Variants in FGF14 observed in about 807,000 individuals in gnomAD.
FGF14 encodes the protein fibroblast growth factor homologous factor 4.
FGF14 carries 5 observed loss-of-function variants against 25.5 expected under a neutral mutation model. That is an observed-to-expected ratio of 0.20 (90% confidence interval 0.10 to 0.41). The LOEUF is 0.41. Ranked by LOEUF, FGF14 falls within the 10% of genes least tolerant of loss-of-function variation. The pLI is 1.00. For missense variants in FGF14, 222 were observed against 320.1 expected (o/e 0.69, Z 2.34); for synonymous variants, 138 against 118.3 (o/e 1.17, Z -1.08).
intron 1 of FGF14, among the ~76,000 whole-genome samples, chr13:102,123,250 A>G (rs940725773): frequency 2.0e-5 from 3 of 152,156 alleles, no homozygotes; most frequent in Non-Finnish European, 4.4e-5. Context: ...TGCAGCCAAC[A>G]ATGTTTCCTA....
At chr13:102,082,531 T>C (rs2043674402) in intron 1 of FGF14, among the ~76,000 whole-genome samples, 1 of 152,162 alleles carries the variant, frequency 6.6e-6, no homozygotes, top group African/African-American at 2.4e-5. Flanking sequence ...TTCTGAACCC[T>C]GTAAAATGCA....
intron 3 of FGF14, among the ~76,000 whole-genome samples, chr13:101,851,035 G>A (rs2043819998): frequency 1.3e-5 from 2 of 152,158 alleles, no homozygotes; most frequent in South Asian, 4.1e-4. Context: ...ATGAATGAAT[G>A]TAACTATGTT....
chr13:102,200,584 T>C (rs1329325590), intron 1 of FGF14, among the ~76,000 whole-genome samples: 1 of 151,254 alleles, frequency 6.6e-6, no homozygotes, highest in Non-Finnish European at 1.5e-5. Flanking sequence ...CAACTAGCCA[T>C]TGGGAAATGC....
At chr13:102,162,380 T>C (rs1337381375) in intron 1 of FGF14, among the ~76,000 whole-genome samples, 1 of 152,304 alleles carries the variant, frequency 6.6e-6, no homozygotes, top group Non-Finnish European at 1.5e-5. Flanking sequence ...TTCTGGTCTT[T>C]GGTATTATGA....
chr13:101,902,470 T>C (rs1218254024), intron 1 of FGF14, among the ~76,000 whole-genome samples: 2 of 152,146 alleles, frequency 1.3e-5, no homozygotes. Context: ...ACCATGCCAA[T>C]ATATGCAGTT....
chr13:102,043,473 T>C (rs1181921363), intron 1 of FGF14, among the ~76,000 whole-genome samples: 6 of 152,178 alleles, frequency 3.9e-5, no homozygotes, highest in Non-Finnish European at 8.8e-5. Context: ...CCAAACAATT[T>C]GCTTCTTTTT....
intron 3 of FGF14, among the ~76,000 whole-genome samples, chr13:101,764,476 C>T (rs1029092945): frequency 6.6e-6 from 1 of 152,198 alleles, no homozygotes; most frequent in Non-Finnish European, 1.5e-5. Flanking sequence ...TCTGTCTTTG[C>T]TCTTGCTTTA....
intron 1 of FGF14, among the ~76,000 whole-genome samples, chr13:102,067,844 C>T (rs1470678136): frequency 3.3e-5 from 5 of 152,040 alleles, no homozygotes; most frequent in African/African-American, 9.7e-5. Context: ...CCAAATAAGA[C>T]TACCTTAACA....
At chr13:101,779,647 T>C (rs1394495290) in intron 3 of FGF14, among the ~76,000 whole-genome samples, 2 of 152,214 alleles carry the variant, frequency 1.3e-5, no homozygotes, top group Admixed American at 1.3e-4. Context: ...TTTGCATACA[T>C]CTAATCTGAA....
intron 1 of FGF14, among the ~76,000 whole-genome samples, chr13:102,143,233 G>T (rs1161135085): frequency 2.0e-5 from 3 of 152,074 alleles, no homozygotes; most frequent in Non-Finnish European, 2.9e-5. Context: ...CAAATGCTTT[G>T]TCCTCTAGAA....
At chr13:102,152,162 T>C (rs959339502) in intron 1 of FGF14, among the ~76,000 whole-genome samples, 9 of 152,200 alleles carry the variant, frequency 5.9e-5, no homozygotes, top group Admixed American at 5.2e-4. Context: ...GGTGGTTTTC[T>C]TTATCAAGGC....
At chr13:102,163,909 C>T (rs1194437832) in intron 1 of FGF14, among the ~76,000 whole-genome samples, 1 of 152,100 alleles carries the variant, frequency 6.6e-6, no homozygotes, top group East Asian at 1.9e-4. Flanking sequence ...TTAATGAAGC[C>T]ATTCCAGACA....
chr13:102,202,260 T>C (rs2140885800), intron 1 of FGF14, among the ~76,000 whole-genome samples: 1 of 152,254 alleles, frequency 6.6e-6, no homozygotes, highest in African/African-American at 2.4e-5. Flanking sequence ...ACTAATATAC[T>C]CCCATAAGCC....
At chr13:102,075,029 C>CA (rs1316262816) in intron 1 of FGF14, among the ~76,000 whole-genome samples, 2 of 152,232 alleles carry the variant, frequency 1.3e-5, no homozygotes, top group East Asian at 3.9e-4. Context: ...CAATGATGCC[C>CA]ACTCTTCTCA....
intron 1 of FGF14, among the ~76,000 whole-genome samples, chr13:101,885,381 G>T (rs2045936864): frequency 6.6e-6 from 1 of 152,074 alleles, no homozygotes; most frequent in African/African-American, 2.4e-5. Flanking sequence ...AAGAGGCGAG[G>T]TGATTCAGAA....
At chr13:102,054,355 T>C (rs533119756) in intron 1 of FGF14, among the ~76,000 whole-genome samples, 1 of 152,316 alleles carries the variant, frequency 6.6e-6, no homozygotes, top group African/African-American at 2.4e-5. Flanking sequence ...GTGGACATAA[T>C]GTTTAGACTA....
At chr13:101,972,282 G>A (rs759917295) in intron 1 of FGF14, among the ~76,000 whole-genome samples, 2 of 152,206 alleles carry the variant, frequency 1.3e-5, no homozygotes, top group Non-Finnish European at 2.9e-5. Flanking sequence ...TACCATAGCA[G>A]ATTCTCATGA....
intron 1 of FGF14, among the ~76,000 whole-genome samples, chr13:102,167,699 T>C (rs938910259): frequency 1.3e-5 from 2 of 151,850 alleles, no homozygotes; most frequent in Non-Finnish European, 2.9e-5. Flanking sequence ...TCAAGAACAG[T>C]ATACAAGTGG....
chr13:102,024,791 A>G (rs1246728022), intron 1 of FGF14, among the ~76,000 whole-genome samples: 1 of 151,796 alleles, frequency 6.6e-6, no homozygotes, highest in African/African-American at 2.4e-5. Flanking sequence ...TGTAACTTCA[A>G]TCTTTTTCAT....
Sources: allele counts gnomAD v4.1 joint callset (sites outside exome capture counted in the v4.1 genomes callset), GRCh38; gene constraint gnomAD v4.1.1; transcripts MANE v1.5; gene names NCBI Gene and HGNC (gene_info 2026-07-23, HGNC 2026-07-21).